Variants in GRM1 observed in about 807,000 individuals in gnomAD.
GRM1 encodes metabotropic glutamate receptor 1.
In GRM1, 33 loss-of-function variants were observed where a neutral mutation model predicts 90.9. The ratio of observed to expected loss-of-function variants is 0.36; its 90% confidence interval spans 0.28 to 0.49. The LOEUF (loss-of-function observed/expected upper bound fraction) is 0.49. Among genes scored for constraint, GRM1 ranks in the 20% least tolerant of loss-of-function variants. GRM1 has a pLI of 0.99. For synonymous variants in GRM1, 700 were observed against 613.2 expected (o/e 1.14, Z -2.09); for missense variants, 1,190 against 1,534.3 (o/e 0.78, Z 3.75).
rs930062339 is a variant in GRM1, at chr6:146,029,078, C to G, written c.-440C>G. The stretch of plus-strand genomic sequence containing the variant: ...CTGCGCTCCAAGCTGTTCCTGCAGC[C>G]GATATCAGGATGTGCCGAAATGAAA... On this transcript the variant is annotated 5_prime_UTR_variant, in exon 1 of 8. Transcript: ENST00000282753. 3.7e-6 allele frequency: 1 copy of G among 270,032 alleles called. No homozygotes were observed. The highest frequency in any genetic ancestry group is 7.2e-6 in the Non-Finnish European group (1 of 138,280). The allele number at this position is 270,032 out of a possible 1,614,324, so 16.7% of individuals were successfully genotyped here.
rs754178311 is a variant in GRM1, at chr6:146,434,388, G to C, written c.3177G>C (p.Gly1059=). 9.3e-6 allele frequency: 15 copies of C among 1,613,182 alleles called. No individual in the cohort carries two copies. In the African/African-American group the frequency reaches 1.2e-4, roughly 13 times the overall value. ...HAVLAGPGGP[G]NGLRSLYPPP... is the part of the protein sequence containing the mutation. ...TGCTGGCAGGCCCCGGTGGTCCCGG[G>C]AACGGGCTGCGGTCCCTGTACCCGC... is the stretch of plus-strand genomic sequence containing the variant. Residue 1059 remains glycine, a synonymous_variant, in exon 8 of 8, where the codon GGG becomes GGC. Transcript: ENST00000282753.
chr6:146,173,633 G>C lies in GRM1; in HGVS notation c.950+14036G>C, dbSNP rs556068341. 2.0e-5 allele frequency among the ~76,000 whole-genome samples: 3 copies of C among 149,968 alleles called. No individual in the cohort carries two copies. The East Asian group carries it at 5.9e-4, about 29-fold the overall frequency. ...AGTTTTATCTAAATTCTGTGGAATG[G>C]TTGAAAATTGCAGAATAATTTTTTT... On this transcript the variant is annotated intron_variant, in intron 2 of 7. Coordinates refer to ENST00000282753, the MANE Select transcript of GRM1 (RefSeq NM_001278064.2).
At chr6:146,282,453 G>A (rs1583270781) in intron 2 of GRM1, among the ~76,000 whole-genome samples, 1 of 151,882 alleles carries the variant, frequency 6.6e-6, no homozygotes, top group East Asian at 1.9e-4. Flanking sequence ...CTGGCTCATA[G>A]CAGCCACTCA....
chr6:146,159,641 T>TCTCTCTCACACACA (rs372590505), intron 2 of GRM1, 44 bp downstream of exon 2: 1,977 of 726,366 alleles, frequency 2.7e-3, no homozygotes, highest in African/African-American at 7.4e-3. Flanking sequence ...TCTCTCTCTC[T>TCTCTCTCACACACA]CACACACACA....
At chr6:146,194,448 G>A (rs200442013) in intron 2 of GRM1, among the ~76,000 whole-genome samples, 1 of 152,056 alleles carries the variant, frequency 6.6e-6, no homozygotes, top group East Asian at 1.9e-4. Flanking sequence ...GACTTCATTG[G>A]CCAAGTCTCT....
intron 2 of GRM1, among the ~76,000 whole-genome samples, chr6:146,240,863 T>C (rs1399419317): frequency 1.3e-5 from 2 of 152,118 alleles, no homozygotes; most frequent in Non-Finnish European, 2.9e-5. Context: ...TTTACATGTA[T>C]ACCTACTAAC....
In GRM1 at chr6:146,302,914, A is replaced by G. The variant is rs551629941; in HGVS notation, c.951-1697A>G. Among the ~76,000 whole-genome samples, 38 of 150,218 alleles carry G rather than the reference A, an allele frequency of 2.5e-4. No homozygotes were observed. In the East Asian group the frequency reaches 4.5e-3, roughly 18 times the overall value. On this transcript the variant is annotated intron_variant, in intron 2 of 7. Transcript: ENST00000282753. ...GAAGGGAGGAAGGGAGGGAGGGAGG[A>G]AGGAAGGAAGGAAGGAAGGAAGGAT...
At chr6:146,215,719 A>G (rs1480907438) in intron 2 of GRM1, among the ~76,000 whole-genome samples, 1 of 151,836 alleles carries the variant, frequency 6.6e-6, no homozygotes, top group African/African-American at 2.4e-5. Context: ...AACATCTCAT[A>G]TAGCCCATAA....
intron 5 of GRM1, among the ~76,000 whole-genome samples, chr6:146,375,496 G>C (rs775058890): frequency 6.6e-6 from 1 of 151,906 alleles, no homozygotes; most frequent in African/African-American, 2.4e-5. Context: ...GTGGGTTGTT[G>C]AAATCTCCAG....
rs114999037 is a variant in GRM1, at chr6:146,176,320, T to G, written c.950+16723T>G. On this transcript the variant is annotated intron_variant, in intron 2 of 7. Coordinates refer to ENST00000282753, the MANE Select transcript of GRM1 (RefSeq NM_001278064.2). Reference sequence around the variant, plus strand: ...GGAAGGGATTAATAAATTAGGAAATTTATTGATGTACTTGACTTTAAGTCA... The same window carrying G: ...GGAAGGGATTAATAAATTAGGAAATGTATTGATGTACTTGACTTTAAGTCA... 1.6e-3 allele frequency among the ~76,000 whole-genome samples: 241 copies of G among 152,172 alleles called. 1 individual carries two copies. Among genetic ancestry groups the G allele is most frequent in the African/African-American group, 5.6e-3 (231 of 41,540 alleles).
At chr6:146,218,510 A>G (rs764388343) in intron 2 of GRM1, among the ~76,000 whole-genome samples, 1 of 152,226 alleles carries the variant, frequency 6.6e-6, no homozygotes, top group Non-Finnish European at 1.5e-5. Flanking sequence ...TTGCAAAATC[A>G]TAAATGATAC....
chr6:146,279,967 AGGTGT>A (rs1032200907), intron 2 of GRM1, among the ~76,000 whole-genome samples: 48 of 152,068 alleles, frequency 3.2e-4, no homozygotes, highest in Middle Eastern at 3.2e-3. Context: ...TGGTGGGACT[AGGTGT>A]GGTTTTCTTT....
chr6:146,074,076 T>C (rs1034947231), intron 1 of GRM1, among the ~76,000 whole-genome samples: 11 of 152,100 alleles, frequency 7.2e-5, no homozygotes, highest in Non-Finnish European at 1.6e-4. Flanking sequence ...GGAACAGCTA[T>C]CCCTTGATTT....
intron 1 of GRM1, among the ~76,000 whole-genome samples, chr6:146,051,184 C>CA (rs1582929829): frequency 6.6e-6 from 1 of 152,180 alleles, no homozygotes; most frequent in East Asian, 1.9e-4. Flanking sequence ...TAAACCTACT[C>CA]CTCAAATCTG....
chr6:146,151,521 C>A (rs1461631575), intron 1 of GRM1, among the ~76,000 whole-genome samples: 1 of 152,304 alleles, frequency 6.6e-6, no homozygotes, highest in East Asian at 1.9e-4. Context: ...GCCTAGTTTT[C>A]AGTGCCTACT....
chr6:146,406,979 C>G (rs1291325077), intron 7 of GRM1, among the ~76,000 whole-genome samples: 3 of 152,122 alleles, frequency 2.0e-5, no homozygotes, highest in African/African-American at 7.2e-5. Context: ...GTTAGAAATC[C>G]TTAGACCCAT....
chr6:146,307,788 G>C (rs1783631377), intron 3 of GRM1, among the ~76,000 whole-genome samples: 1 of 152,032 alleles, frequency 6.6e-6, no homozygotes, highest in South Asian at 2.1e-4. Flanking sequence ...AACCATTATT[G>C]AACTTAATCC....
At chr6:146,234,003 C>T (rs566969538) in intron 2 of GRM1, among the ~76,000 whole-genome samples, 32 of 152,078 alleles carry the variant, frequency 2.1e-4, no homozygotes, top group African/African-American at 7.7e-4. Flanking sequence ...ACACATATAG[C>T]ATTGTTATAT....
chr6:146,138,262 T>C (rs1776702181), intron 1 of GRM1, among the ~76,000 whole-genome samples: 1 of 152,194 alleles, frequency 6.6e-6, no homozygotes, highest in Non-Finnish European at 1.5e-5. Flanking sequence ...CTTTCAGTTT[T>C]TCCCCATCAG....
Sources: gnomAD v4.1 joint callset for allele counts (sites outside exome capture counted in the v4.1 genomes callset) on GRCh38, gnomAD v4.1.1 for gene constraint, MANE v1.5 for transcripts, NCBI Gene and HGNC (gene_info 2026-07-23, HGNC 2026-07-21) for gene names.